The following WFDC1 variants were observed in gnomAD, a reference collection of about 807,000 sequenced individuals.
WFDC1 encodes the protein WAP four-disulfide core domain protein 1.
In WFDC1, 39 loss-of-function variants were observed where a neutral mutation model predicts 32.9. That is an observed-to-expected ratio of 1.19 (90% CI 0.92 to 1.55). The LOEUF is 1.55. WFDC1 is among the 40% of genes most tolerant of loss of function. The probability of loss-of-function intolerance (pLI) is 0.00; values close to 1 mark genes in which losing one functional copy is unlikely to be tolerated. For synonymous variants in WFDC1, 184 were observed against 137.4 expected, an observed-to-expected ratio of 1.34 and a Z score of -2.37; for missense variants, 386 against 309.5, an observed-to-expected ratio of 1.25 and a Z score of -1.85.
rs144405726 is a variant in WFDC1 at position 84,294,994 on chromosome 16, C to T, written c.23C>T (p.Pro8Leu). 109 of 1,613,772 alleles carry T rather than the reference C, an allele frequency of 6.8e-5. No individual in the cohort carries two copies. The highest frequency in any genetic ancestry group is 8.7e-5 in the Non-Finnish European group (103 of 1,179,846). MPLTGVGPGSCRRQIIRA... is the reference protein window; with the variant it reads MPLTGVGLGSCRRQIIRA... Reference sequence around the variant, plus strand: ...GAAATGCCTTTAACCGGCGTGGGGCCGGGCAGCTGCAGGAGGCAGATCATC... The same window carrying T: ...GAAATGCCTTTAACCGGCGTGGGGCTGGGCAGCTGCAGGAGGCAGATCATC... Residue 8 changes from proline to leucine, a missense_variant, in exon 1 of 7, where the codon CCG (proline) becomes CTG (leucine). Physicochemically the swap from Pro to Leu is moderately conservative, Grantham distance 98. Coordinates refer to ENST00000219454, the MANE Select transcript of WFDC1 (RefSeq NM_021197.4).
Position 84,319,343 on chromosome 16 carries a change from C to T in WFDC1, c.422-88C>T, listed in dbSNP as rs2288027. ...CTGGGTGAGGTGCGTTCCCTGCACC[C>T]GTCCCGGGAGTCTGCCTTCTAGACC... On this transcript the variant is annotated intron_variant, in intron 3 of 6. Coordinates refer to ENST00000219454, the MANE Select transcript of WFDC1 (RefSeq NM_021197.4). 172 of 1,537,810 alleles carry T rather than the reference C, an allele frequency of 1.1e-4. 1 individual carries two copies. In the East Asian group the frequency reaches 2.5e-3, roughly 22 times the overall value.
At chr16:84,326,767 G>T in intron 5 of WFDC1, 115 bp from the exon 6 acceptor site, 1 of 1,211,490 alleles carries the variant, frequency 8.3e-7, no homozygotes, top group Non-Finnish European at 1.2e-6. Flanking sequence ...TCAGCTGGGG[G>T]AGGGAGGAGA....
intron 1 of WFDC1, 96 bp from the exon 2 acceptor site, chr16:84,312,865 G>A: frequency 1.3e-6 from 1 of 742,378 alleles, no homozygotes; most frequent in East Asian, 7.2e-5. Context: ...CAGGCTCAGA[G>A]AGGCCCGGCG....
At chr16:84,300,931 T>C (rs1052760230) in intron 1 of WFDC1, among the ~76,000 whole-genome samples, 1 of 151,136 alleles carries the variant, frequency 6.6e-6, no homozygotes, top group Non-Finnish European at 1.5e-5. Flanking sequence ...GCCAAGATCA[T>C]GCCATTGCAC....
chr16:84,295,020 C>T lies in WFDC1; in HGVS notation c.49C>T (p.Arg17Trp), dbSNP rs79769516. 7.0e-4 allele frequency: 1,123 copies of T among 1,614,206 alleles called. 8 individuals carry two copies. In the African/African-American group the frequency reaches 0.012, roughly 17 times the overall value. Residue 17 changes from arginine to tryptophan, a missense_variant, in exon 1 of 7, where the codon CGG becomes TGG. Coordinates refer to ENST00000219454, the MANE Select transcript of WFDC1 (RefSeq NM_021197.4). Reference sequence around the variant, plus strand: ...GGGCAGCTGCAGGAGGCAGATCATCCGGGCTCTGTGCCTCTTGCTACTTCT... The same window carrying T: ...GGGCAGCTGCAGGAGGCAGATCATCTGGGCTCTGTGCCTCTTGCTACTTCT... ...GPGSCRRQII[R>W]ALCLLLLLLH... is the part of the protein sequence containing the mutation.
intron 1 of WFDC1, among the ~76,000 whole-genome samples, chr16:84,300,487 C>T (rs543983705): frequency 2.0e-5 from 3 of 152,348 alleles, no homozygotes; most frequent in African/African-American, 7.2e-5. Flanking sequence ...TCCCTGCACT[C>T]GAATCCTGTC....
In WFDC1 at chr16:84,318,362, G is replaced by T. The variant is rs557907392; in HGVS notation, c.421+7G>T. On this transcript the variant is annotated splice_region_variant and intron_variant, in intron 3 of 6. Coordinates refer to ENST00000219454, the MANE Select transcript of WFDC1 (RefSeq NM_021197.4). ...CCTGAGGAGGTGTTACAAGGTACCTGCCGGGTAAAGCCCAGACCCTACATC... is the reference window on the plus strand; with the variant it reads ...CCTGAGGAGGTGTTACAAGGTACCTTCCGGGTAAAGCCCAGACCCTACATC... 6.2e-7 allele frequency: 1 copy of T among 1,613,670 alleles called. No homozygotes were observed. The highest frequency in any genetic ancestry group is 1.1e-5 in the South Asian group (1 of 91,058).
At chr16:84,318,403 C>G (rs1908091054) in intron 3 of WFDC1, 48 bp downstream of exon 3, 2 of 1,582,990 alleles carry the variant, frequency 1.3e-6, no homozygotes, top group Non-Finnish European at 1.7e-6. Flanking sequence ...CTCGATCCCT[C>G]CTTCTCAGCT....
At chr16:84,296,666 C>A (rs916506617) in intron 1 of WFDC1, among the ~76,000 whole-genome samples, 1 of 152,014 alleles carries the variant, frequency 6.6e-6, no homozygotes, top group East Asian at 1.9e-4. Flanking sequence ...AGGAGGACTT[C>A]GAGAAGTGGA....
At chr16:84,300,663 C>T (rs867583099) in intron 1 of WFDC1, among the ~76,000 whole-genome samples, 1 of 152,134 alleles carries the variant, frequency 6.6e-6, no homozygotes, top group Non-Finnish European at 1.5e-5. Context: ...ATATGAACCC[C>T]GTTCCTTATA....
chr16:84,324,539 A>G, intron 5 of WFDC1, 79 bp downstream of exon 5: 1 of 1,511,342 alleles, frequency 6.6e-7, no homozygotes, highest in Non-Finnish European at 9.0e-7. Flanking sequence ...AGAAAAAAAT[A>G]AAAGCCCAGG....
chr16:84,325,950 C>A (rs893376899), intron 5 of WFDC1: 5 of 151,978 alleles, frequency 3.3e-5, no homozygotes, highest in Non-Finnish European at 7.4e-5. Flanking sequence ...ATCCATCCAT[C>A]CACCCATCCA....
chr16:84,308,226 C>A (rs1298142522), intron 1 of WFDC1, among the ~76,000 whole-genome samples: 4 of 150,934 alleles, frequency 2.7e-5, no homozygotes, highest in Non-Finnish European at 5.9e-5. Context: ...CCTGAGGCTC[C>A]CTGGGGGCAG....
chr16:84,308,033 T>C (rs1026126715), intron 1 of WFDC1, among the ~76,000 whole-genome samples: 5 of 152,246 alleles, frequency 3.3e-5, no homozygotes, highest in African/African-American at 4.8e-5. Flanking sequence ...AAATGCCAGC[T>C]TAGTGGTCAT....
chr16:84,295,420 A>C, intron 1 of WFDC1: 1 of 486,834 alleles, frequency 2.1e-6, no homozygotes, highest in Admixed American at 3.8e-5. Flanking sequence ...TCATTTCGGA[A>C]CCCCAGGATT....
chr16:84,320,986 A>T (rs1436544505), intron 4 of WFDC1, among the ~76,000 whole-genome samples: 1 of 152,220 alleles, frequency 6.6e-6, no homozygotes, highest in Non-Finnish European at 1.5e-5. Context: ...AAATCCCGGA[A>T]TCCTGAACTT....
intron 4 of WFDC1, among the ~76,000 whole-genome samples, chr16:84,319,864 TCA>T (rs1908204873): frequency 6.6e-6 from 1 of 152,194 alleles, no homozygotes; most frequent in South Asian, 2.1e-4. Context: ...TCTCTGAGCC[TCA>T]GTTTCCTCAT....
intron 1 of WFDC1, among the ~76,000 whole-genome samples, chr16:84,312,682 A>G (rs1447231197): frequency 6.6e-6 from 1 of 152,172 alleles, no homozygotes; most frequent in Non-Finnish European, 1.5e-5. Context: ...CACCGGGTAG[A>G]TACTTAAGTA....
intron 1 of WFDC1, among the ~76,000 whole-genome samples, chr16:84,311,986 A>G (rs1473794471): frequency 6.6e-6 from 1 of 151,956 alleles, no homozygotes; most frequent in East Asian, 1.9e-4. Context: ...GCCAACATGT[A>G]GAAACCCTGT....
Sources: gnomAD v4.1 joint callset for allele counts (sites outside exome capture counted in the v4.1 genomes callset) on GRCh38, gnomAD v4.1.1 for gene constraint, MANE v1.5 for transcripts, NCBI Gene and HGNC (gene_info 2026-07-23, HGNC 2026-07-21) for gene names.